FGGY: variants seen among roughly 807,000 people sequenced by gnomAD.
FGGY encodes the protein FGGY carbohydrate kinase domain-containing protein.
A neutral mutation model predicts 71.3 loss-of-function variants in FGGY; 72 were observed. The observed-to-expected ratio is 1.01, with a 90% CI of 0.84 to 1.23. The LOEUF is 1.23. Among genes scored for constraint, FGGY ranks in the 50% most tolerant of loss-of-function variants. The probability of loss-of-function intolerance (pLI) is 0.00; values close to 1 mark genes in which losing one functional copy is unlikely to be tolerated. For synonymous variants in FGGY, 251 were observed against 250.3 expected, an observed-to-expected ratio of 1.00 and a Z score of -0.02; for missense variants, 668 against 682.3, an observed-to-expected ratio of 0.98 and a Z score of 0.23.
intron 5 of FGGY, among the ~76,000 whole-genome samples, chr1:59,445,023 C>T (rs1467610888): frequency 6.6e-6 from 1 of 152,118 alleles, no homozygotes; most frequent in Non-Finnish European, 1.5e-5. Context: ...ATAGTAATTA[C>T]TAGAGTGAGC....
chr1:59,521,830 C>A (rs917414639), intron 7 of FGGY, among the ~76,000 whole-genome samples: 1 of 152,122 alleles, frequency 6.6e-6, no homozygotes, highest in African/African-American at 2.4e-5. Context: ...CCATTTTATA[C>A]CTTATATCCC....
At chr1:59,610,684 C>A (rs1039296581) in intron 9 of FGGY, among the ~76,000 whole-genome samples, 3 of 152,190 alleles carry the variant, frequency 2.0e-5, no homozygotes, top group African/African-American at 7.2e-5. Context: ...TGGGTGCAGC[C>A]CACAGACCGT....
intron 7 of FGGY, among the ~76,000 whole-genome samples, chr1:59,523,656 T>C (rs1220059389): frequency 6.6e-6 from 1 of 152,230 alleles, no homozygotes; most frequent in Non-Finnish European, 1.5e-5. Context: ...GTTATATCAT[T>C]CAACAGCAGT....
chr1:59,661,977 C>T (rs1006890787), intron 12 of FGGY, among the ~76,000 whole-genome samples: 2 of 148,680 alleles, frequency 1.3e-5, no homozygotes, highest in Admixed American at 6.6e-5. Flanking sequence ...TCTCGGCCTC[C>T]CAAAGTGCTG....
intron 5 of FGGY, among the ~76,000 whole-genome samples, chr1:59,427,793 A>G (rs1020416215): frequency 2.6e-5 from 4 of 152,094 alleles, no homozygotes; most frequent in Non-Finnish European, 5.9e-5. Flanking sequence ...AGAGTGGGAG[A>G]TGGAAGTAAC....
At chr1:59,700,645 T>A (rs11207508) in intron 14 of FGGY, among the ~76,000 whole-genome samples, 4,510 of 152,266 alleles carry the variant, frequency 0.03, 223 homozygotes, top group African/African-American at 0.1. Context: ...CCTCACTGAG[T>A]GCCTCTAGCT....
At position 59,647,665 on chromosome 1, in the gene FGGY, G is replaced by C. The variant is rs142387279; in HGVS notation, c.1221+9290G>C. ...GTAGGGCTGAGGTCCCTGTTTCCAT[G>C]TTAAAGGTCAGCCAGTGATCCTTCT... is the stretch of plus-strand genomic sequence containing the variant. On this transcript the variant is annotated intron_variant, in intron 11 of 15. Coordinates refer to ENST00000303721, the MANE Select transcript of FGGY (RefSeq NM_018291.5). Among the ~76,000 whole-genome samples, 46 of 149,606 alleles carry C rather than the reference G, an allele frequency of 3.1e-4. 1 individual carries two copies. The highest frequency in any genetic ancestry group is 1.1e-3 in the African/African-American group (43 of 40,826).
At chr1:59,449,753 A>G (rs1290719077) in intron 5 of FGGY, among the ~76,000 whole-genome samples, 1 of 152,148 alleles carries the variant, frequency 6.6e-6, no homozygotes, top group Non-Finnish European at 1.5e-5. Flanking sequence ...GCTTGAGGCC[A>G]GCAGATGGAG....
chr1:59,512,729 G>T (rs929498253), intron 7 of FGGY, among the ~76,000 whole-genome samples: 5 of 152,128 alleles, frequency 3.3e-5, no homozygotes, highest in Non-Finnish European at 5.9e-5. Context: ...ATTCAAAAAA[G>T]ATATGTTAAT....
intron 1 of FGGY, among the ~76,000 whole-genome samples, chr1:59,321,103 T>G (rs1483016666): frequency 1.3e-5 from 2 of 152,150 alleles, no homozygotes; most frequent in African/African-American, 4.8e-5. Flanking sequence ...ACTTAGTAGG[T>G]AATTGTTGAA....
chr1:59,337,218 A>C (rs1097240), intron 2 of FGGY, among the ~76,000 whole-genome samples: 1 of 152,032 alleles, frequency 6.6e-6, no homozygotes, highest in Non-Finnish European at 1.5e-5. Flanking sequence ...GCAGTCCTGA[A>C]TAAGTCTGAG....
In FGGY at chr1:59,327,209, G is replaced by A. The variant is rs538824621; in HGVS notation, c.201+5459G>A. Among the ~76,000 whole-genome samples, 14 of 152,302 alleles carry A rather than the reference G, an allele frequency of 9.2e-5. No individual in the cohort carries two copies. In the South Asian group the frequency reaches 2.9e-3, roughly 32 times the overall value. On this transcript the variant is annotated intron_variant, in intron 2 of 15. Coordinates refer to ENST00000303721, the MANE Select transcript of FGGY (RefSeq NM_018291.5). ...CTGTAGCATGCAATGTTGTTTGATA[G>A]CATCTTATCCATGGCAGGACTTCTT...
chr1:59,754,072 A>G (rs894927539), intron 14 of FGGY, among the ~76,000 whole-genome samples: 7 of 152,162 alleles, frequency 4.6e-5, no homozygotes, highest in Non-Finnish European at 1.0e-4. Flanking sequence ...TTTCTTCCTC[A>G]TTCACTTTCT....
chr1:59,680,200 T>TA, intron 14 of FGGY, among the ~76,000 whole-genome samples: 1 of 152,226 alleles, frequency 6.6e-6, no homozygotes, highest in South Asian at 2.1e-4. Flanking sequence ...CTTTTTTTTT[T>TA]AGTAGCCTTT....
intron 14 of FGGY, among the ~76,000 whole-genome samples, chr1:59,749,319 C>G (rs539490326): frequency 7.9e-5 from 12 of 152,230 alleles, no homozygotes; most frequent in African/African-American, 2.6e-4. Flanking sequence ...GTCAGTTGGT[C>G]AGAAATACAG....
chr1:59,621,331 A>G (rs1160174863), intron 9 of FGGY, among the ~76,000 whole-genome samples: 2 of 152,016 alleles, frequency 1.3e-5, no homozygotes, highest in Non-Finnish European at 2.9e-5. Flanking sequence ...ATTCTGAGAA[A>G]TAAACCATAG....
chr1:59,558,426 A>G (rs912559492), intron 8 of FGGY, among the ~76,000 whole-genome samples: 2 of 152,138 alleles, frequency 1.3e-5, no homozygotes, highest in Non-Finnish European at 2.9e-5. Flanking sequence ...TGGGGGTGAC[A>G]TCACATATCA....
At chr1:59,368,352 C>T (rs1557688735) in intron 4 of FGGY, among the ~76,000 whole-genome samples, 1 of 152,140 alleles carries the variant, frequency 6.6e-6, no homozygotes, top group African/African-American at 2.4e-5. Flanking sequence ...TTCCAAAAGG[C>T]CCAAAATCAC....
intron 1 of FGGY, among the ~76,000 whole-genome samples, chr1:59,309,729 A>C (rs555820304): frequency 6.6e-6 from 1 of 152,030 alleles, no homozygotes; most frequent in Non-Finnish European, 1.5e-5. Context: ...TAATCCCAGC[A>C]CTTTGGGAGG....
Sources: allele counts gnomAD v4.1 joint callset (sites outside exome capture counted in the v4.1 genomes callset), GRCh38; gene constraint gnomAD v4.1.1; transcripts MANE v1.5; gene names NCBI Gene and HGNC (gene_info 2026-07-23, HGNC 2026-07-21).